Variants in LRFN2 observed in about 807,000 individuals in gnomAD.
LRFN2 encodes leucine rich repeat and fibronectin type III domain containing 2, also known as leucine-rich repeat and fibronectin type-III domain-containing protein 2.
LRFN2 carries 18 observed loss-of-function variants against 37.3 expected under a neutral mutation model. The observed-to-expected ratio is 0.48, with a 90% CI of 0.33 to 0.72. The LOEUF (loss-of-function observed/expected upper bound fraction) is 0.72. Among genes scored for constraint, LRFN2 ranks in the 30% least tolerant of loss-of-function variants. The pLI, the probability that LRFN2 is intolerant of heterozygous loss-of-function variation, is 0.02. For missense variants in LRFN2, 1,006 were observed against 1,060.7 expected (o/e 0.95, Z 0.72); for synonymous variants, 556 against 466.6 (o/e 1.19, Z -2.47).
At chr6:40,545,994 C>T (rs748123423) in intron 1 of LRFN2, among the ~76,000 whole-genome samples, 3 of 152,140 alleles carry the variant, frequency 2.0e-5, no homozygotes, top group Admixed American at 6.5e-5. Flanking sequence ...AATATTTTAG[C>T]GCTGGCAGTC....
intron 1 of LRFN2, among the ~76,000 whole-genome samples, chr6:40,514,214 C>T (rs1201926948): frequency 2.6e-5 from 4 of 152,002 alleles, no homozygotes; most frequent in East Asian, 1.9e-4. Flanking sequence ...TGAAAGAAAG[C>T]GTTCCATGCT....
chr6:40,425,727 G>A (rs1763338129), intron 2 of LRFN2, among the ~76,000 whole-genome samples: 1 of 152,270 alleles, frequency 6.6e-6, no homozygotes. Context: ...TCTCCAGTGT[G>A]TCACAGCGCC....
At chr6:40,559,458 G>T (rs868694299) in intron 1 of LRFN2, among the ~76,000 whole-genome samples, 12 of 152,276 alleles carry the variant, frequency 7.9e-5, no homozygotes, top group Middle Eastern at 3.4e-3. Flanking sequence ...TTCAGCTGGG[G>T]TGGTCCCAGG....
chr6:40,397,871 C>T (rs910848691), intron 2 of LRFN2, among the ~76,000 whole-genome samples: 6 of 151,888 alleles, frequency 4.0e-5, no homozygotes, highest in Middle Eastern at 3.4e-3. Flanking sequence ...AGATGGATGC[C>T]GGCCCATGGA....
At chr6:40,478,800 G>A (rs1041399001) in intron 1 of LRFN2, among the ~76,000 whole-genome samples, 8 of 152,166 alleles carry the variant, frequency 5.3e-5, no homozygotes, top group African/African-American at 1.7e-4. Context: ...AGTGTGTGAG[G>A]CCACATTCTG....
intron 1 of LRFN2, among the ~76,000 whole-genome samples, chr6:40,522,724 A>G (rs73734518): frequency 0.023 from 3,491 of 152,272 alleles, 162 homozygotes; most frequent in African/African-American, 0.079. Context: ...GAATCCTGGG[A>G]GCACAACAGT....
At chr6:40,474,507 T>G (rs1315364191) in intron 1 of LRFN2, among the ~76,000 whole-genome samples, 2 of 152,222 alleles carry the variant, frequency 1.3e-5, no homozygotes, top group Admixed American at 1.3e-4. Flanking sequence ...TTTGTTTTTT[T>G]GAGATGCAGT....
chr6:40,526,680 G>A (rs1042987984), intron 1 of LRFN2, among the ~76,000 whole-genome samples: 21 of 152,138 alleles, frequency 1.4e-4, no homozygotes, highest in Admixed American at 2.6e-4. Context: ...GTGGCCAGTG[G>A]GTGGCTTCCT....
At position 40,575,481 on chromosome 6, in the gene LRFN2, C is replaced by T. The variant is rs36067874; in HGVS notation, c.-19+11460G>A. Among the ~76,000 whole-genome samples, 591 of 152,292 alleles carry T rather than the reference C, an allele frequency of 3.9e-3. 1 individual carries two copies. Among genetic ancestry groups the T allele is most frequent in the Middle Eastern group, 0.014 (4 of 294 alleles). ...CAGGGCTCCCACCAGCCTTACTCTG[C>T]GCCTGCCCTTCTGCCCTTGCTTGGG... On this transcript the variant is annotated intron_variant, in intron 1 of 2. Coordinates refer to ENST00000338305, the MANE Select transcript of LRFN2 (RefSeq NM_020737.3).
intron 1 of LRFN2, among the ~76,000 whole-genome samples, chr6:40,495,635 G>A (rs1452580098): frequency 6.6e-6 from 1 of 152,050 alleles, no homozygotes; most frequent in African/African-American, 2.4e-5. Flanking sequence ...AACCCTCCAG[G>A]GAGTAGCACA....
At chr6:40,569,709 T>C (rs1767153495) in intron 1 of LRFN2, among the ~76,000 whole-genome samples, 1 of 152,212 alleles carries the variant, frequency 6.6e-6, no homozygotes. Context: ...TTCTGCATTC[T>C]GATCTCCATG....
chr6:40,529,430 A>G (rs1000501839), intron 1 of LRFN2, among the ~76,000 whole-genome samples: 1 of 152,240 alleles, frequency 6.6e-6, no homozygotes, highest in African/African-American at 2.4e-5. Flanking sequence ...CTACCATGCT[A>G]TCCACACTGT....
At chr6:40,398,169 C>T (rs149174472) in intron 2 of LRFN2, among the ~76,000 whole-genome samples, 137 of 151,844 alleles carry the variant, frequency 9.0e-4, no homozygotes, top group African/African-American at 3.0e-3. Context: ...ACCTCTGCAT[C>T]GTAGGAGGAC....
chr6:40,535,880 C>T (rs1019440070), intron 1 of LRFN2, among the ~76,000 whole-genome samples: 8 of 151,878 alleles, frequency 5.3e-5, no homozygotes, highest in Non-Finnish European at 5.9e-5. Flanking sequence ...AAAAATAATT[C>T]GATTAGGGAA....
intron 2 of LRFN2, among the ~76,000 whole-genome samples, chr6:40,415,603 G>A (rs919248852): frequency 3.9e-5 from 6 of 152,176 alleles, no homozygotes; most frequent in Non-Finnish European, 1.5e-5. Flanking sequence ...AGTTCCCCAG[G>A]ACCTGCTCTA....
chr6:40,518,126 G>C (rs1328496394), intron 1 of LRFN2, among the ~76,000 whole-genome samples: 1 of 152,156 alleles, frequency 6.6e-6, no homozygotes, highest in African/African-American at 2.4e-5. Context: ...CTCCCTCTGG[G>C]CCTCAGTTTC....
chr6:40,454,816 C>A (rs922701598), intron 1 of LRFN2, among the ~76,000 whole-genome samples: 3 of 152,126 alleles, frequency 2.0e-5, no homozygotes, highest in African/African-American at 7.2e-5. Flanking sequence ...TAAATATTTA[C>A]CTATAGCTTA....
At position 40,432,139 on chromosome 6, in the gene LRFN2, G is replaced by A. The variant is rs199511167; in HGVS notation, c.975C>T (p.Pro325=). The change falls in exon 2 of 3, where the codon CCC becomes CCT. Residue 325 remains proline (P), a synonymous_variant. Coordinates refer to ENST00000338305, the MANE Select transcript of LRFN2 (RefSeq NM_020737.3). ...DPSPLIHWVA[P]DDRLVGNSSR... The stretch of plus-strand genomic sequence containing the variant: ...AGGAGTTCCCTACCAGGCGGTCATC[G>A]GGGGCTACCCAGTGGATAAGGGGGC... 6.3e-5 allele frequency: 102 copies of A among 1,613,742 alleles called. No homozygotes were observed. The East Asian group carries it at 1.1e-3, about 17-fold the overall frequency.
chr6:40,401,179 C>G (rs146884719), intron 2 of LRFN2, among the ~76,000 whole-genome samples: 1 of 152,252 alleles, frequency 6.6e-6, no homozygotes, highest in Admixed American at 6.5e-5. Flanking sequence ...TCCTCAGCCT[C>G]CAGGAAGAGC....
Sources: gnomAD v4.1 joint callset for allele counts (sites outside exome capture counted in the v4.1 genomes callset) on GRCh38, gnomAD v4.1.1 for gene constraint, MANE v1.5 for transcripts, NCBI Gene and HGNC (gene_info 2026-07-23, HGNC 2026-07-21) for gene names.